F13A1: variants seen among roughly 807,000 people sequenced by gnomAD.
F13A1 encodes FSF, A subunit.
In F13A1, 47 loss-of-function variants were observed where a neutral mutation model predicts 80.1. The ratio of observed to expected loss-of-function variants is 0.59; its 90% CI spans 0.46 to 0.75. The LOEUF (loss-of-function observed/expected upper bound fraction) is 0.75, where lower values mean the gene tolerates loss of function less well. F13A1 is among the 30% of genes least tolerant of loss of function. F13A1 has a pLI of 0.00. For synonymous variants in F13A1, 349 were observed against 344.9 expected (o/e 1.01, Z -0.13); for missense variants, 817 against 930.4 (o/e 0.88, Z 1.59).
intron 2 of F13A1, among the ~76,000 whole-genome samples, chr6:6,307,622 A>G (rs1188486348): frequency 6.6e-6 from 1 of 152,178 alleles, no homozygotes; most frequent in African/African-American, 2.4e-5. Flanking sequence ...GTTTACCAGC[A>G]CCAATGGAAG....
intron 6 of F13A1, among the ~76,000 whole-genome samples, chr6:6,236,512 T>C (rs191572479): frequency 6.6e-6 from 1 of 152,252 alleles, no homozygotes; most frequent in East Asian, 1.9e-4. Context: ...TAAAGAAATG[T>C]GACATTTCTT....
chr6:6,218,286 G>A (rs991017529), intron 8 of F13A1, among the ~76,000 whole-genome samples: 6 of 152,158 alleles, frequency 3.9e-5, no homozygotes, highest in African/African-American at 1.4e-4. Context: ...TCCAAGGTGA[G>A]GCCAAACCAT....
At chr6:6,182,729 A>G (rs992974553) in intron 10 of F13A1, among the ~76,000 whole-genome samples, 2 of 152,160 alleles carry the variant, frequency 1.3e-5, no homozygotes, top group Non-Finnish European at 2.9e-5. Context: ...CAGAGTAGAA[A>G]GCTGAGAGGC....
intron 10 of F13A1, among the ~76,000 whole-genome samples, chr6:6,191,557 C>T (rs372438521): frequency 2.0e-5 from 3 of 152,150 alleles, no homozygotes; most frequent in South Asian, 2.1e-4. Flanking sequence ...GGGTGGAAAG[C>T]AGGCTTGGGG....
chr6:6,174,376 C>A (rs192549060), intron 12 of F13A1, among the ~76,000 whole-genome samples: 1 of 151,282 alleles, frequency 6.6e-6, no homozygotes, highest in Non-Finnish European at 1.5e-5. Context: ...GGTGTCAGAG[C>A]GAGATTCCAT....
intron 2 of F13A1, among the ~76,000 whole-genome samples, chr6:6,313,518 C>A (rs1259047297): frequency 1.3e-5 from 2 of 152,036 alleles, no homozygotes; most frequent in African/African-American, 4.8e-5. Flanking sequence ...GTAAAATATT[C>A]TTCAGAGAAT....
At chr6:6,315,211 C>T (rs1174137861) in intron 2 of F13A1, among the ~76,000 whole-genome samples, 2 of 152,208 alleles carry the variant, frequency 1.3e-5, no homozygotes, top group Admixed American at 1.3e-4. Context: ...ACCTTTCAGA[C>T]CAGGAAGGCA....
At chr6:6,190,367 G>T in intron 10 of F13A1, among the ~76,000 whole-genome samples, 1 of 152,062 alleles carries the variant, frequency 6.6e-6, no homozygotes, top group East Asian at 1.9e-4. Flanking sequence ...ATCTACTTTT[G>T]GTCTTTGATG....
intron 2 of F13A1, 83 bp from the exon 3 acceptor site, chr6:6,305,622 C>A: frequency 6.9e-7 from 1 of 1,444,176 alleles, no homozygotes; most frequent in East Asian, 2.4e-5. Context: ...GATTATTTTC[C>A]CTGAAGAAGG....
intron 10 of F13A1, among the ~76,000 whole-genome samples, chr6:6,184,120 T>C (rs1408755579): frequency 6.6e-6 from 1 of 152,224 alleles, no homozygotes; most frequent in African/African-American, 2.4e-5. Context: ...ATACCTACAA[T>C]GTTTCAGGGA....
At chr6:6,298,108 A>C (rs1758359818) in intron 3 of F13A1, among the ~76,000 whole-genome samples, 1 of 149,058 alleles carries the variant, frequency 6.7e-6, no homozygotes, top group Non-Finnish European at 1.5e-5. Flanking sequence ...CTGTGGTCTG[A>C]GAGATAGTTT....
intron 6 of F13A1, among the ~76,000 whole-genome samples, chr6:6,231,382 A>T (rs925558788): frequency 6.6e-6 from 1 of 152,188 alleles, no homozygotes; most frequent in East Asian, 1.9e-4. Flanking sequence ...GACAAAGGAA[A>T]AGGAATAAGA....
At chr6:6,159,564 T>C (rs149602689) in intron 13 of F13A1, among the ~76,000 whole-genome samples, 3,645 of 152,214 alleles carry the variant, frequency 0.024, 61 homozygotes, top group Non-Finnish European at 0.035. Flanking sequence ...CAGGGCTTGA[T>C]GGTTGGCGAG....
At chr6:6,149,621 G>A (rs925852781) in intron 14 of F13A1, among the ~76,000 whole-genome samples, 1 of 152,290 alleles carries the variant, frequency 6.6e-6, no homozygotes. Context: ...AGCTGGGAAG[G>A]GAGCCCTCAT....
At chr6:6,221,581 A>G (rs1184510116) in intron 8 of F13A1, among the ~76,000 whole-genome samples, 1 of 152,186 alleles carries the variant, frequency 6.6e-6, no homozygotes, top group Non-Finnish European at 1.5e-5. Flanking sequence ...TATTAATAAC[A>G]TCCACCTGAT....
chr6:6,176,865 C>G (rs948385788), intron 11 of F13A1, among the ~76,000 whole-genome samples: 1 of 152,150 alleles, frequency 6.6e-6, no homozygotes, highest in African/African-American at 2.4e-5. Flanking sequence ...GGAGAAGAAG[C>G]CTTGAAGCCA....
intron 7 of F13A1, among the ~76,000 whole-genome samples, chr6:6,223,619 G>C (rs1480029484): frequency 1.3e-5 from 2 of 151,870 alleles, no homozygotes; most frequent in Non-Finnish European, 2.9e-5. Flanking sequence ...ATATTTAAAT[G>C]GCTAAGAAAA....
intron 8 of F13A1, among the ~76,000 whole-genome samples, chr6:6,218,496 C>T (rs1360091732): frequency 6.6e-6 from 1 of 152,170 alleles, no homozygotes; most frequent in Non-Finnish European, 1.5e-5. Context: ...CGAAATTGCT[C>T]CTTCTGGGAT....
chr6:6,175,404 C>T (rs1760864943), intron 11 of F13A1, among the ~76,000 whole-genome samples: 1 of 152,190 alleles, frequency 6.6e-6, no homozygotes, highest in South Asian at 2.1e-4. Flanking sequence ...CTTGAGGGCT[C>T]CTGCCCCGTT....
Sources: allele counts gnomAD v4.1 joint callset (sites outside exome capture counted in the v4.1 genomes callset), GRCh38; gene constraint gnomAD v4.1.1; transcripts MANE v1.5; gene names NCBI Gene and HGNC (gene_info 2026-07-23, HGNC 2026-07-21).